The following IGF1 variants were observed in gnomAD, a reference collection of about 807,000 sequenced individuals.
IGF1 encodes the protein insulin like growth factor 1.
IGF1 carries 4 observed loss-of-function variants against 13.8 expected under a neutral mutation model. The observed-to-expected ratio is 0.29, with a 90% CI of 0.14 to 0.66. IGF1 has a LOEUF of 0.66. IGF1 is among the 30% of genes least tolerant of loss of function. The pLI, the probability that IGF1 is intolerant of heterozygous loss-of-function variation, is 0.78. For synonymous variants in IGF1, 76 were observed against 72.6 expected, an observed-to-expected ratio of 1.05 and a Z score of -0.23; for missense variants, 124 against 188.5, an observed-to-expected ratio of 0.66 and a Z score of 2.00.
chr12:102,456,699 T>A (rs1747849977), intron 2 of IGF1, among the ~76,000 whole-genome samples: 1 of 152,178 alleles, frequency 6.6e-6, no homozygotes, highest in South Asian at 2.1e-4. Flanking sequence ...TCCCTACTCA[T>A]GGGATGGCGG....
At chr12:102,406,925 T>C (rs979946377) in intron 3 of IGF1, among the ~76,000 whole-genome samples, 2 of 151,876 alleles carry the variant, frequency 1.3e-5, no homozygotes, top group African/African-American at 4.8e-5. Flanking sequence ...AAACCCCGTC[T>C]CTACTAAAAA....
At chr12:102,479,611 A>G (rs568873092) in intron 1 of IGF1, among the ~76,000 whole-genome samples, 12 of 152,194 alleles carry the variant, frequency 7.9e-5, no homozygotes, top group Non-Finnish European at 1.6e-4. Flanking sequence ...CCTCTTCTAA[A>G]CAGAAAAGTT....
intron 2 of IGF1, among the ~76,000 whole-genome samples, chr12:102,424,239 CT>C (rs11305762): frequency 0.16 from 22,192 of 138,898 alleles, 1,676 homozygotes; most frequent in South Asian, 0.22. Flanking sequence ...AAGTTGATCC[CT>C]TTTTTTTTTT....
intron 2 of IGF1, among the ~76,000 whole-genome samples, chr12:102,435,007 AATAACAAT>A (rs1236402696): frequency 3.3e-5 from 5 of 152,252 alleles, no homozygotes; most frequent in Non-Finnish European, 5.9e-5. Context: ...GAAAATTAAA[AATAACAAT>A]ATAACAATTA....
chr12:102,444,252 T>G (rs1878120734), intron 2 of IGF1, among the ~76,000 whole-genome samples: 1 of 152,068 alleles, frequency 6.6e-6, no homozygotes, highest in East Asian at 1.9e-4. Context: ...AATTTCCTTT[T>G]TTTTTTTTCT....
In IGF1 at chr12:102,401,688, G is replaced by A. The variant is rs968691057; in HGVS notation, c.*819C>T. The stretch of plus-strand genomic sequence containing the variant: ...GCTAAATTTACATAGTGCTCTATAT[G>A]GAAAAAATAAAAAGAGGAAAGTTAC... On this transcript the variant is annotated 3_prime_UTR_variant, in exon 4 of 4. Transcript: ENST00000337514. 6.6e-6 allele frequency: 1 copy of A among 152,436 alleles called. No homozygotes were observed. The highest frequency in any genetic ancestry group is 2.4e-5 in the African/African-American group (1 of 41,392). The allele number at this position is 152,436 out of a possible 1,614,324, so 9.4% of individuals were successfully genotyped here.
intron 2 of IGF1, among the ~76,000 whole-genome samples, chr12:102,472,962 C>A (rs1302524892): frequency 6.6e-6 from 1 of 152,158 alleles, no homozygotes; most frequent in African/African-American, 2.4e-5. Context: ...ACTTGACAAC[C>A]TTAATTCTTG....
chr12:102,454,044 G>T (rs1403685197), intron 2 of IGF1, among the ~76,000 whole-genome samples: 1 of 152,112 alleles, frequency 6.6e-6, no homozygotes, highest in Non-Finnish European at 1.5e-5. Context: ...ATCTTTCTGG[G>T]CTTATCTTGC....
intron 3 of IGF1, chr12:102,417,995 G>T (rs774537886): frequency 1.9e-5 from 31 of 1,609,790 alleles, no homozygotes; most frequent in Non-Finnish European, 2.4e-5. Context: ...TGGTAGATGG[G>T]GGCTGATACT....
chr12:102,467,909 G>T (rs978059789), intron 2 of IGF1, among the ~76,000 whole-genome samples: 1 of 152,116 alleles, frequency 6.6e-6, no homozygotes, highest in African/African-American at 2.4e-5. Context: ...TCAGCATTTG[G>T]CTAATTCTTA....
intron 2 of IGF1, among the ~76,000 whole-genome samples, chr12:102,422,385 A>T (rs1875809831): frequency 6.6e-6 from 1 of 152,214 alleles, no homozygotes; most frequent in South Asian, 2.1e-4. Flanking sequence ...CATTGGGAAT[A>T]TATGAATATA....
upstream of IGF1, chr12:102,480,671 T>C (rs936770538): frequency 2.4e-6 from 3 of 1,226,320 alleles, no homozygotes; most frequent in Non-Finnish European, 2.1e-6. Context: ...TCTGGCAAAG[T>C]TATTGAGTAA....
intron 2 of IGF1, among the ~76,000 whole-genome samples, chr12:102,432,032 T>G (rs1271827529): frequency 6.6e-6 from 1 of 152,150 alleles, no homozygotes; most frequent in Non-Finnish European, 1.5e-5. Flanking sequence ...ATAGAGAAGT[T>G]TTTACCCATA....
At chr12:102,413,863 T>G (rs1250253268) in intron 3 of IGF1, among the ~76,000 whole-genome samples, 1 of 152,106 alleles carries the variant, frequency 6.6e-6, no homozygotes, top group Non-Finnish European at 1.5e-5. Context: ...AGCTACCTAT[T>G]TAAGTTGGAA....
intron 2 of IGF1, among the ~76,000 whole-genome samples, chr12:102,468,061 C>G (rs940369016): frequency 6.6e-6 from 1 of 152,118 alleles, no homozygotes; most frequent in African/African-American, 2.4e-5. Flanking sequence ...TTTGAACAAT[C>G]GGGTAGTTTT....
intron 3 of IGF1, among the ~76,000 whole-genome samples, chr12:102,414,227 A>AATC (rs1454070189): frequency 3.3e-5 from 5 of 151,980 alleles, no homozygotes; most frequent in Non-Finnish European, 7.4e-5. Flanking sequence ...ACACACACAC[A>AATC]ATCTCAATAA....
At position 102,411,687 on chromosome 12, in the gene IGF1, G is replaced by A. The variant is rs146313447; in HGVS notation, c.402+7822C>T. On this transcript the variant is annotated intron_variant, in intron 3 of 3. Coordinates refer to ENST00000337514, the MANE Select transcript of IGF1 (RefSeq NM_000618.5). The stretch of plus-strand genomic sequence containing the variant: ...GCTCTTAACATCTTATCTTCATATG[G>A]GCATTTTGACCATGTCAGTTAGAGA... 3.1e-3 allele frequency among the ~76,000 whole-genome samples: 472 copies of A among 152,254 alleles called. 1 individual carries two copies. Among genetic ancestry groups the A allele is most frequent in the African/African-American group, 0.011 (455 of 41,552 alleles).
rs1440822012 is a variant in IGF1 at position 102,475,640 on chromosome 12, T to C, written c.220+3A>G. On this transcript the variant is annotated splice_donor_region_variant and intron_variant, in intron 2 of 3. Coordinates refer to ENST00000337514, the MANE Select transcript of IGF1 (RefSeq NM_000618.5). ...CAGCACATTGAGAGGGAGGGCTACT[T>C]ACTGAAATAAAAGCCCCTGTCTCCA... The C allele has an allele frequency of 5.0e-6, 8 of 1,614,060 alleles. No homozygotes were observed. The highest frequency in any genetic ancestry group is 6.8e-6 in the Non-Finnish European group (8 of 1,179,960).
intron 3 of IGF1, among the ~76,000 whole-genome samples, chr12:102,412,821 TC>T (rs1874761804): frequency 6.6e-6 from 1 of 152,166 alleles, no homozygotes; most frequent in Non-Finnish European, 1.5e-5. Flanking sequence ...TCCATTTCTC[TC>T]TTCTGGAATT....
Sources: gnomAD v4.1 joint callset for allele counts (sites outside exome capture counted in the v4.1 genomes callset) on GRCh38, gnomAD v4.1.1 for gene constraint, MANE v1.5 for transcripts, NCBI Gene and HGNC (gene_info 2026-07-23, HGNC 2026-07-21) for gene names.